Variants in PRKAG2 observed in about 807,000 individuals in gnomAD.
PRKAG2 encodes the protein protein kinase AMP-activated non-catalytic subunit gamma 2, also known as 5'-AMP-activated protein kinase subunit gamma-2.
In PRKAG2, 26 loss-of-function variants were observed where a neutral mutation model predicts 69.6. The ratio of observed to expected loss-of-function variants is 0.37; its 90% CI spans 0.27 to 0.52. The LOEUF is 0.52. PRKAG2 is among the 20% of genes least tolerant of loss of function. PRKAG2 has a pLI of 0.90. For missense variants in PRKAG2, 557 were observed against 740.0 expected (o/e 0.75, Z 2.87); for synonymous variants, 293 against 285.0 (o/e 1.03, Z -0.28).
intron 5 of PRKAG2, among the ~76,000 whole-genome samples, chr7:151,609,243 C>T (rs943865759): frequency 2.6e-5 from 4 of 152,080 alleles, no homozygotes; most frequent in Non-Finnish European, 5.9e-5. Flanking sequence ...GAGATAAGCA[C>T]TACAGTCATC....
intron 4 of PRKAG2, among the ~76,000 whole-genome samples, chr7:151,657,994 C>T (rs113493445): frequency 0.015 from 2,279 of 151,108 alleles, 54 homozygotes; most frequent in African/African-American, 0.052. Flanking sequence ...CCCATCTCTA[C>T]TAAAAATACA....
intron 8 of PRKAG2, among the ~76,000 whole-genome samples, chr7:151,573,272 C>T (rs1196038479): frequency 6.6e-6 from 1 of 150,440 alleles, no homozygotes; most frequent in African/African-American, 2.4e-5. Flanking sequence ...ATCCTCTCAA[C>T]TCAGCCTCTG....
chr7:151,568,524 T>G (rs1451535272), intron 11 of PRKAG2, among the ~76,000 whole-genome samples, 192 bp downstream of exon 11: 2 of 152,194 alleles, frequency 1.3e-5, no homozygotes, highest in African/African-American at 4.8e-5. Flanking sequence ...TAAAAGGTGA[T>G]TCTTTTAAAT....
intron 4 of PRKAG2, among the ~76,000 whole-genome samples, chr7:151,653,995 T>C (rs1245182873): frequency 6.6e-6 from 1 of 152,218 alleles, no homozygotes; most frequent in Non-Finnish European, 1.5e-5. Flanking sequence ...ATATGCAATA[T>C]AATTTTACTT....
intron 3 of PRKAG2, among the ~76,000 whole-genome samples, chr7:151,680,233 A>G (rs527455936): frequency 6.6e-6 from 1 of 152,280 alleles, no homozygotes; most frequent in East Asian, 1.9e-4. Flanking sequence ...TGTAATTGCT[A>G]AGTGTCGACT....
At chr7:151,749,000 T>A (rs1222651798) in intron 3 of PRKAG2, among the ~76,000 whole-genome samples, 1 of 152,166 alleles carries the variant, frequency 6.6e-6, no homozygotes, top group Non-Finnish European at 1.5e-5. Flanking sequence ...GGCCTGGGTG[T>A]TTTGGAGCCT....
In PRKAG2 at chr7:151,580,340, C is replaced by T. The variant is rs1430267739; in HGVS notation, c.865-3888G>A. ...CCAGCCTGGGTGACAGAGTGAGACT[C>T]CATCTCAAAAAAAATAAAAAATACT... On this transcript the variant is annotated intron_variant, in intron 6 of 15. Coordinates refer to ENST00000287878, the MANE Select transcript of PRKAG2 (RefSeq NM_016203.4). Among the ~76,000 whole-genome samples the T allele has an allele frequency of 3.3e-5, 5 of 151,904 alleles. No homozygotes were observed. The East Asian group carries it at 9.7e-4, about 29-fold the overall frequency.
At chr7:151,591,999 C>CT (rs1427135142) in intron 6 of PRKAG2, among the ~76,000 whole-genome samples, 1 of 152,150 alleles carries the variant, frequency 6.6e-6, no homozygotes, top group African/African-American at 2.4e-5. Flanking sequence ...CTAGGCCCCC[C>CT]AAGCCGAATG....
intron 3 of PRKAG2, among the ~76,000 whole-genome samples, chr7:151,755,922 A>C (rs968349427): frequency 5.3e-5 from 8 of 152,182 alleles, no homozygotes; most frequent in Non-Finnish European, 1.2e-4. Flanking sequence ...GATATAAATC[A>C]CCTGTGCACA....
At chr7:151,755,727 G>A (rs1270751090) in intron 3 of PRKAG2, among the ~76,000 whole-genome samples, 1 of 152,140 alleles carries the variant, frequency 6.6e-6, no homozygotes, top group African/African-American at 2.4e-5. Context: ...TTTACCATCT[G>A]GCTTTTTACA....
chr7:151,654,740 T>G (rs1829139579), intron 4 of PRKAG2, among the ~76,000 whole-genome samples: 2 of 152,248 alleles, frequency 1.3e-5, no homozygotes, highest in Admixed American at 6.5e-5. Context: ...TGGCCCAGGC[T>G]GGGGTGCAGT....
chr7:151,603,076 T>A (rs893699871), intron 5 of PRKAG2, among the ~76,000 whole-genome samples: 5 of 151,936 alleles, frequency 3.3e-5, no homozygotes, highest in Admixed American at 1.3e-4. Flanking sequence ...TTCATTCTCA[T>A]CATCACACGG....
chr7:151,826,640 G>C (rs1322684119), intron 1 of PRKAG2, among the ~76,000 whole-genome samples: 1 of 152,150 alleles, frequency 6.6e-6, no homozygotes, highest in Non-Finnish European at 1.5e-5. Context: ...ATGCTATCAA[G>C]AAAAAGTAAT....
At chr7:151,705,970 T>C (rs1838533943) in intron 3 of PRKAG2, among the ~76,000 whole-genome samples, 1 of 152,092 alleles carries the variant, frequency 6.6e-6, no homozygotes, top group African/African-American at 2.4e-5. Flanking sequence ...AGGGTAGAAC[T>C]TCAAGCCAGG....
chr7:151,708,973 C>T (rs1388178315), intron 3 of PRKAG2, among the ~76,000 whole-genome samples: 2 of 152,194 alleles, frequency 1.3e-5, no homozygotes, highest in Non-Finnish European at 2.9e-5. Flanking sequence ...TGTGAGAATA[C>T]CAGAAGCAGA....
chr7:151,732,090 C>G lies in PRKAG2; in HGVS notation c.466+49062G>C, dbSNP rs191119114. On this transcript the variant is annotated intron_variant, in intron 3 of 15. Coordinates refer to ENST00000287878, the MANE Select transcript of PRKAG2 (RefSeq NM_016203.4). ...TCAAGCACTCCTCTACCTGCCTCAA[C>G]CTACCAAAGTGTTGGATCACAGGCA... is the stretch of plus-strand genomic sequence containing the variant. 7.3e-5 allele frequency among the ~76,000 whole-genome samples: 11 copies of G among 150,810 alleles called. No homozygotes were observed. In the East Asian group the frequency reaches 2.2e-3, roughly 30 times the overall value.
At chr7:151,713,317 C>CA (rs1795614534) in intron 3 of PRKAG2, among the ~76,000 whole-genome samples, 1 of 152,194 alleles carries the variant, frequency 6.6e-6, no homozygotes, top group Non-Finnish European at 1.5e-5. Flanking sequence ...TCTTTCCCCC[C>CA]ACCCAAAGCA....
At chr7:151,598,004 C>T (rs1815057838) in intron 5 of PRKAG2, among the ~76,000 whole-genome samples, 1 of 152,178 alleles carries the variant, frequency 6.6e-6, no homozygotes, top group Admixed American at 6.5e-5. Context: ...GACACATGTG[C>T]ACTGCCATGT....
chr7:151,752,812 A>T (rs1413357034), intron 3 of PRKAG2, among the ~76,000 whole-genome samples: 1 of 152,264 alleles, frequency 6.6e-6, no homozygotes, highest in African/African-American at 2.4e-5. Flanking sequence ...AAGTTTGATG[A>T]GAAAGAAGAC....
Sources: allele counts gnomAD v4.1 joint callset (sites outside exome capture counted in the v4.1 genomes callset), GRCh38; gene constraint gnomAD v4.1.1; transcripts MANE v1.5; gene names NCBI Gene and HGNC (gene_info 2026-07-23, HGNC 2026-07-21).